Variants in MAP2 observed in about 807,000 individuals in gnomAD.
The protein encoded by MAP2 is microtubule associated protein 2.
In MAP2, 14 loss-of-function variants were observed where a neutral mutation model predicts 137.6. The ratio of observed to expected loss-of-function variants is 0.10; its 90% CI spans 0.07 to 0.16. The LOEUF (loss-of-function observed/expected upper bound fraction) is 0.16. Among genes scored for constraint, MAP2 ranks in the 10% least tolerant of loss-of-function variants. MAP2 has a pLI of 1.00. For synonymous variants in MAP2, 786 were observed against 782.3 expected (o/e 1.00, Z -0.08); for missense variants, 2,088 against 2,191.5 (o/e 0.95, Z 0.94).
At chr2:209,686,867 T>A (rs1301886343) in intron 7 of MAP2, among the ~76,000 whole-genome samples, 1 of 152,188 alleles carries the variant, frequency 6.6e-6, no homozygotes, top group Non-Finnish European at 1.5e-5. Flanking sequence ...AAAGTCTTGA[T>A]GAATCTGCAG....
At chr2:209,621,257 A>AT (rs1186032597) in intron 3 of MAP2, among the ~76,000 whole-genome samples, 3,088 of 125,120 alleles carry the variant, frequency 0.025, 78 homozygotes, top group East Asian at 0.073. Context: ...AGGCATCTTG[A>AT]TTTTTTTTTT....
In MAP2 at chr2:209,436,872, G is replaced by A. The variant is rs185422257; in HGVS notation, c.-222+12596G>A. Among the ~76,000 whole-genome samples the A allele has an allele frequency of 1.6e-3, 245 of 151,584 alleles. 2 individuals carry two copies. Among genetic ancestry groups the A allele is most frequent in the African/African-American group, 5.5e-3 (230 of 41,458 alleles). ...TCATACACTAACATTTTCATGCATC[G>A]TTTTCTTATGATTTCTCTTTATCCT... On this transcript the variant is annotated intron_variant, in intron 1 of 15. Transcript: ENST00000682079.
intron 2 of MAP2, among the ~76,000 whole-genome samples, chr2:209,543,906 C>T (rs1014427142): frequency 4.6e-5 from 7 of 152,034 alleles, no homozygotes; most frequent in East Asian, 1.9e-4. Flanking sequence ...TAAAAGTTTT[C>T]GTTCTAAATG....
intron 2 of MAP2, among the ~76,000 whole-genome samples, chr2:209,560,472 T>A (rs993882704): frequency 7.1e-5 from 10 of 141,528 alleles, no homozygotes; most frequent in African/African-American, 3.1e-4. Context: ...TGGTGACAAC[T>A]TTGAGATTCT....
chr2:209,633,523 T>C lies in MAP2; in HGVS notation c.-30+8394T>C, dbSNP rs1346049388. Among the ~76,000 whole-genome samples the C allele has an allele frequency of 4.6e-5, 7 of 152,174 alleles. 1 individual carries two copies. The highest frequency in any genetic ancestry group is 1.7e-4 in the African/African-American group (7 of 41,436). ...TGTTACTAAGTTATGAGTAAAATAATGAGTACGTGATAAGTAAATGGATTA... is the reference window on the plus strand; with the variant it reads ...TGTTACTAAGTTATGAGTAAAATAACGAGTACGTGATAAGTAAATGGATTA... On this transcript the variant is annotated intron_variant, in intron 4 of 15. Coordinates refer to ENST00000682079, the MANE Select transcript of MAP2 (RefSeq NM_001375505.1).
chr2:209,541,137 T>C (rs1249619991), intron 2 of MAP2, among the ~76,000 whole-genome samples: 1 of 151,066 alleles, frequency 6.6e-6, no homozygotes, highest in Non-Finnish European at 1.5e-5. Flanking sequence ...TTCAAGCAAT[T>C]CTCCTGCCTC....
rs1028985395 is a variant in MAP2 at position 209,696,940 on chromosome 2, G to C, written c.4411G>C (p.Ala1471Pro). 1.2e-6 allele frequency: 2 copies of C among 1,606,554 alleles called. No individual in the cohort carries two copies. Among genetic ancestry groups the C allele is most frequent in the African/African-American group, 2.7e-5 (2 of 74,282 alleles). Residue 1471 changes from alanine to proline, a missense_variant, in exon 10 of 16, where the codon GCT becomes CCT. By Grantham distance (27) the Ala-to-Pro change is conservative. Around this residue, in one of 6 missense-constraint regions of MAP2, gnomAD observed 591 missense variants for 642.6 expected, o/e 0.92. Transcript: ENST00000682079. ...KKAVYKKAEL[A>P]KKTEVQAHSP... is the part of the protein sequence containing the mutation. ...AGCAGTTTATAAGAAGGCTGAACTT[G>C]CTAAAAAAACAGAAGTTCAGGCCCA... is the stretch of plus-strand genomic sequence containing the variant.
At chr2:209,683,271 C>G (rs1250135604) in intron 7 of MAP2, among the ~76,000 whole-genome samples, 1 of 152,180 alleles carries the variant, frequency 6.6e-6, no homozygotes, top group African/African-American at 2.4e-5. Context: ...AAAATACCAC[C>G]TAACCTCTTA....
chr2:209,657,400 T>A (rs1333979875), intron 5 of MAP2, among the ~76,000 whole-genome samples: 3 of 152,238 alleles, frequency 2.0e-5, no homozygotes, highest in African/African-American at 7.2e-5. Context: ...GTCAACATTG[T>A]TTAAGAGTTC....
intron 5 of MAP2, among the ~76,000 whole-genome samples, chr2:209,668,307 A>C (rs1003401469): frequency 6.6e-6 from 1 of 152,072 alleles, no homozygotes; most frequent in South Asian, 2.1e-4. Flanking sequence ...AGAAATTGAC[A>C]TGAATAAACA....
intron 4 of MAP2, among the ~76,000 whole-genome samples, chr2:209,629,963 A>C (rs2092805121): frequency 6.6e-6 from 1 of 152,196 alleles, no homozygotes; most frequent in South Asian, 2.1e-4. Flanking sequence ...AAAAGGCTCT[A>C]GTTCTTATTA....
At chr2:209,690,843 GGGAA>G in intron 7 of MAP2, 1 of 1,278,312 alleles carries the variant, frequency 7.8e-7, no homozygotes, top group Non-Finnish European at 1.0e-6. Context: ...TCCTCTGCTG[GGGAA>G]GGTGTGTCTT....
chr2:209,601,129 T>G (rs764315225), intron 3 of MAP2, among the ~76,000 whole-genome samples: 2 of 152,198 alleles, frequency 1.3e-5, no homozygotes, highest in Non-Finnish European at 1.5e-5. Context: ...GTAAAATACT[T>G]AGTCAAGTGC....
At position 209,692,845 on chromosome 2, in the gene MAP2, G is replaced by C. The variant is rs928006492; in HGVS notation, c.675G>C (p.Leu225Phe). 1.2e-6 allele frequency: 2 copies of C among 1,613,132 alleles called. No individual in the cohort carries two copies. Among genetic ancestry groups the C allele is most frequent in the African/African-American group, 1.3e-5 (1 of 74,780 alleles). ...GTEEEKAPLALFGHTLVASLE... is the reference protein window; with the variant it reads ...GTEEEKAPLAFFGHTLVASLE... ...AAGAAGAAAAAGCACCCCTAGCTTTGTTTGGGCACACTCTTGTTGCCAGCC... is the reference window on the plus strand; with the variant it reads ...AAGAAGAAAAAGCACCCCTAGCTTTCTTTGGGCACACTCTTGTTGCCAGCC... Residue 225 changes from leucine (L) to phenylalanine (F), a missense_variant, in exon 8 of 16, where the codon TTG becomes TTC. Leu to Phe is a conservative substitution (Grantham distance 22). Coordinates refer to ENST00000682079, the MANE Select transcript of MAP2 (RefSeq NM_001375505.1).
At chr2:209,627,322 T>G (rs1052524470) in intron 4 of MAP2, among the ~76,000 whole-genome samples, 1 of 152,258 alleles carries the variant, frequency 6.6e-6, no homozygotes, top group East Asian at 1.9e-4. Flanking sequence ...TAGTATATGG[T>G]AGTGAAATAG....
intron 7 of MAP2, chr2:209,690,581 C>T: frequency 7.9e-7 from 1 of 1,266,754 alleles, no homozygotes; most frequent in Non-Finnish European, 1.0e-6. Flanking sequence ...GTCATGATGT[C>T]AACATCTTTT....
intron 3 of MAP2, among the ~76,000 whole-genome samples, chr2:209,612,303 A>G (rs1236771553): frequency 6.6e-6 from 1 of 152,182 alleles, no homozygotes; most frequent in Non-Finnish European, 1.5e-5. Flanking sequence ...GTTTATTTCT[A>G]GTTTCTAGTT....
intron 4 of MAP2, among the ~76,000 whole-genome samples, chr2:209,644,484 C>T (rs2094269126): frequency 6.6e-6 from 1 of 151,942 alleles, no homozygotes; most frequent in Non-Finnish European, 1.5e-5. Context: ...ACCCAATTTG[C>T]TATATAGTGT....
At chr2:209,507,433 A>G (rs1455615927) in intron 1 of MAP2, among the ~76,000 whole-genome samples, 159 bp from the exon 2 acceptor site, 1 of 152,146 alleles carries the variant, frequency 6.6e-6, no homozygotes, top group Admixed American at 6.6e-5. Flanking sequence ...GTTGTATTAT[A>G]CATAACCGTC....
Sources: allele counts gnomAD v4.1 joint callset (sites outside exome capture counted in the v4.1 genomes callset), GRCh38; gene constraint gnomAD v4.1.1; regional missense constraint gnomAD v4.1.1; transcripts MANE v1.5; gene names NCBI Gene and HGNC (gene_info 2026-07-23, HGNC 2026-07-21).